The following MISP variants were observed in gnomAD, a reference collection of about 807,000 sequenced individuals.
MISP encodes the protein mitotic spindle positioning.
A neutral mutation model predicts 49.3 loss-of-function variants in MISP; 51 were observed. The ratio of observed to expected loss-of-function variants is 1.03; its 90% confidence interval spans 0.83 to 1.31. The LOEUF (loss-of-function observed/expected upper bound fraction) is 1.31. Among genes scored for constraint, MISP ranks in the 50% most tolerant of loss-of-function variants. MISP has a pLI of 0.00. For synonymous variants in MISP, 444 were observed against 392.6 expected (o/e 1.13, Z -1.55); for missense variants, 1,084 against 935.1 (o/e 1.16, Z -2.08).
In MISP at chr19:757,896, C is replaced by A; in HGVS notation, c.950C>A (p.Thr317Asn). ...LREQRGLRQA[T>N]DHQELVEIPT... ...GAGCAGAGGGGGCTTCGGCAGGCAACCGACCACCAGGAGCTGGTGGAAATC... is the reference window on the plus strand; with the variant it reads ...GAGCAGAGGGGGCTTCGGCAGGCAAACGACCACCAGGAGCTGGTGGAAATC... Residue 317 changes from threonine (T) to asparagine (N), a missense_variant, in exon 2 of 5, where the codon ACC becomes AAC. Transcript: ENST00000215582. 1 of 1,605,058 alleles carries A rather than the reference C, an allele frequency of 6.2e-7. No individual in the cohort carries two copies. Among genetic ancestry groups the A allele is most frequent in the South Asian group, 1.1e-5 (1 of 91,012 alleles).
chr19:748,587 G>C (rs922066592), upstream of MISP, among the ~76,000 whole-genome samples: 2 of 152,126 alleles, frequency 1.3e-5, no homozygotes, highest in Admixed American at 6.5e-5. Context: ...CGGGTTCTGC[G>C]GCCGCCCCGT....
rs756912721 is a variant in MISP, at chr19:763,561, C to T, written c.2011C>T (p.Arg671Cys). The change falls in exon 5 of 5, where the codon CGC becomes TGC. Residue 671 changes from arginine (R) to cysteine (C), a missense_variant. Arg to Cys is a radical substitution (Grantham distance 180, BLOSUM62 -3). Coordinates refer to ENST00000215582, the MANE Select transcript of MISP (RefSeq NM_173481.4). ...KNAMAERWES[R>C]IYASEEDD Reference sequence around the variant, plus strand: ...CGCCATGGCAGAGCGCTGGGAATCCCGCATCTACGCCAGTGAGGAGGATGA... The same window carrying T: ...CGCCATGGCAGAGCGCTGGGAATCCTGCATCTACGCCAGTGAGGAGGATGA... 10 of 1,613,910 alleles carry T rather than the reference C, an allele frequency of 6.2e-6. No homozygotes were observed. The highest frequency in any genetic ancestry group is 2.2e-5 in the South Asian group (2 of 91,078).
chr19:763,018 G>A (rs10410087), intron 4 of MISP, among the ~76,000 whole-genome samples: 5,679 of 152,200 alleles, frequency 0.037, 338 homozygotes, highest in African/African-American at 0.12. Context: ...GGACAGGCAC[G>A]GTGGCTCACG....
In MISP at chr19:758,608, C is replaced by T; in HGVS notation, c.1662C>T (p.Val554=). Residue 554 remains valine, a synonymous_variant, in exon 2 of 5, where the codon GTC becomes GTT. Transcript: ENST00000215582. The stretch of plus-strand genomic sequence containing the variant: ...TGCTGGAAAGGGAGAGGGAGAGTGT[C>T]CTGCGCCGGGAGCAAGAGGTGGCAG... ...SDLLERERES[V]LRREQEVAEE... 6.2e-7 allele frequency: 1 copy of T among 1,614,218 alleles called. No homozygotes were observed. The highest frequency in any genetic ancestry group is 8.5e-7 in the Non-Finnish European group (1 of 1,180,048).
In MISP at chr19:763,556, A is replaced by T; in HGVS notation, c.2006A>T (p.Glu669Val). The T allele has an allele frequency of 6.2e-7, 1 of 1,614,060 alleles. No homozygotes were observed. Among genetic ancestry groups the T allele is most frequent in the African/African-American group, 1.3e-5 (1 of 75,034 alleles). Residue 669 changes from glutamate (E) to valine (V), a missense_variant, in exon 5 of 5, where the codon GAA becomes GTA. By Grantham distance (121) the Glu-to-Val change is moderately radical (BLOSUM62 -2). Transcript: ENST00000215582. ...AAGAACGCCATGGCAGAGCGCTGGG[A>T]ATCCCGCATCTACGCCAGTGAGGAG... is the stretch of plus-strand genomic sequence containing the variant. ...RHKNAMAERW[E>V]SRIYASEEDD is the part of the protein sequence containing the mutation.
upstream of MISP, among the ~76,000 whole-genome samples, chr19:749,538 AC>A (rs1295753541): frequency 1.3e-5 from 2 of 150,946 alleles, no homozygotes; most frequent in East Asian, 4.0e-4. Flanking sequence ...GTCCTTAAAC[AC>A]CCCCATCTTG....
Position 757,925 on chromosome 19 carries a change from A to G in MISP, c.979A>G (p.Thr327Ala). 6.2e-7 allele frequency: 1 copy of G among 1,601,950 alleles called. No homozygotes were observed. Among genetic ancestry groups the G allele is most frequent in the East Asian group, 2.2e-5 (1 of 44,854 alleles). Residue 327 changes from threonine to alanine, a missense_variant, in exon 2 of 5, where the codon ACC (threonine) becomes GCC (alanine). Transcript: ENST00000215582. ...CCACCAGGAGCTGGTGGAAATCCCC[A>G]CCAGGCCGCTGCTGACCAAGCTGAG... ...TDHQELVEIP[T>A]RPLLTKLSLI...
intron 2 of MISP, among the ~76,000 whole-genome samples, chr19:758,998 GTTTTGT>G (rs754267440): frequency 6.6e-6 from 1 of 152,124 alleles, no homozygotes; most frequent in Non-Finnish European, 1.5e-5. Flanking sequence ...TGTTTTGTGT[GTTTTGT>G]TTTTGTTTTT....
rs149234826 is a variant in MISP, at chr19:757,577, C to A, written c.631C>A (p.Pro211Thr). The stretch of plus-strand genomic sequence containing the variant: ...TCTGGAGCAGGCGAACAAGGGGGCC[C>A]CTCATAGCTCCCCGGCCAGGGGGAC... ...LSLEQANKGA[P>T]HSSPARGTPA... Residue 211 changes from proline (P) to threonine (T), a missense_variant, in exon 2 of 5, where the codon CCT becomes ACT. Coordinates refer to ENST00000215582, the MANE Select transcript of MISP (RefSeq NM_173481.4). 19 of 1,612,764 alleles carry A rather than the reference C, an allele frequency of 1.2e-5. No individual in the cohort carries two copies. The African/African-American group carries it at 2.4e-4, about 20-fold the overall frequency.
chr19:763,647 A>G lies in MISP; in HGVS notation c.*57A>G. ...GCCCTGACCCTCGTGGGAACTGCCA[A>G]GACCATCGCCAAGCCCCCACCCTAG... On this transcript the variant is annotated 3_prime_UTR_variant, in exon 5 of 5. Coordinates refer to ENST00000215582, the MANE Select transcript of MISP (RefSeq NM_173481.4). The G allele has an allele frequency of 3.1e-6, 4 of 1,306,314 alleles. No individual in the cohort carries two copies. Among genetic ancestry groups the G allele is most frequent in the Middle Eastern group, 2.0e-4 (1 of 4,890 alleles). 80.9% of individuals were successfully genotyped at this position (1,306,314 alleles called of 1,614,324 possible). A position where few individuals can be genotyped will look rare whatever the true frequency, so the allele number is the denominator to read the frequency against.
At chr19:753,500 C>T (rs1311111855) in intron 1 of MISP, among the ~76,000 whole-genome samples, 2 of 151,422 alleles carry the variant, frequency 1.3e-5, no homozygotes, top group African/African-American at 4.9e-5. Context: ...ATTCTCCTGC[C>T]TCAGCCTCCT....
chr19:759,188 T>C (rs1447243868), intron 2 of MISP, among the ~76,000 whole-genome samples: 2 of 151,556 alleles, frequency 1.3e-5, no homozygotes, highest in Non-Finnish European at 2.9e-5. Context: ...CACTCCCGGC[T>C]AATTTTTGTA....
chr19:758,826 G>A, intron 2 of MISP, 100 bp downstream of exon 2: 1 of 973,384 alleles, frequency 1.0e-6, no homozygotes, highest in Non-Finnish European at 1.5e-6. Flanking sequence ...AAAGGGCTGG[G>A]GTTGGGGAGA....
chr19:748,909 T>G (rs554582478), upstream of MISP, among the ~76,000 whole-genome samples: 10 of 152,170 alleles, frequency 6.6e-5, no homozygotes, highest in Admixed American at 6.5e-4. Context: ...GAGGCCGAGG[T>G]GGGCGGATCA....
chr19:763,000 A>C (rs2033697811), intron 4 of MISP, among the ~76,000 whole-genome samples: 1 of 152,148 alleles, frequency 6.6e-6, no homozygotes, highest in Admixed American at 6.6e-5. Flanking sequence ...CGAAATGCCA[A>C]ATACATTGGA....
chr19:750,365 A>G (rs141604600), upstream of MISP, among the ~76,000 whole-genome samples: 795 of 151,860 alleles, frequency 5.2e-3, 5 homozygotes, highest in Admixed American at 6.6e-3. Flanking sequence ...ATACCCCGCT[A>G]AATTTTGTAT....
chr19:763,430 G>C, intron 4 of MISP, 71 bp from the exon 5 acceptor site: 1 of 1,079,298 alleles, frequency 9.3e-7, no homozygotes, highest in South Asian at 1.3e-5. Context: ...CTAATGAATT[G>C]GCAGTTGGAG....
chr19:755,720 T>C (rs1006197540), intron 1 of MISP, among the ~76,000 whole-genome samples: 1 of 152,018 alleles, frequency 6.6e-6, no homozygotes, highest in Non-Finnish European at 1.5e-5. Flanking sequence ...TCACCTGAGC[T>C]CAGGAGTTCG....
Position 757,106 on chromosome 19 carries a change from G to A in MISP, c.160G>A (p.Asp54Asn), listed in dbSNP as rs2033562395. Reference protein sequence around the residue: ...GQDEPQTWPTDHRAQQGVQRQ... With the variant: ...GQDEPQTWPTNHRAQQGVQRQ... ...GGATGAGCCGCAGACATGGCCCACTGACCACAGGGCCCAGCAGGGCGTGCA... is the reference window on the plus strand; with the variant it reads ...GGATGAGCCGCAGACATGGCCCACTAACCACAGGGCCCAGCAGGGCGTGCA... The change falls in exon 2 of 5, where the codon GAC (aspartate) becomes AAC (asparagine). Residue 54 changes from aspartate to asparagine, a missense_variant. Coordinates refer to ENST00000215582, the MANE Select transcript of MISP (RefSeq NM_173481.4). 2 of 1,613,044 alleles carry A rather than the reference G, an allele frequency of 1.2e-6. No homozygotes were observed. The highest frequency in any genetic ancestry group is 8.5e-7 in the Non-Finnish European group (1 of 1,179,860).
Sources: gnomAD v4.1 joint callset for allele counts (sites outside exome capture counted in the v4.1 genomes callset) on GRCh38, gnomAD v4.1.1 for gene constraint, MANE v1.5 for transcripts, NCBI Gene and HGNC (gene_info 2026-07-23, HGNC 2026-07-21) for gene names.